NEGR1: variants seen among roughly 807,000 people sequenced by gnomAD.
The protein encoded by NEGR1 is IgLON family member 4.
NEGR1 carries 10 observed loss-of-function variants against 40.9 expected under a neutral mutation model. The ratio of observed to expected loss-of-function variants is 0.24; its 90% CI spans 0.15 to 0.42. The LOEUF (loss-of-function observed/expected upper bound fraction) is 0.42, where lower values mean the gene tolerates loss of function less well. NEGR1 is among the 10% of genes least tolerant of loss of function. NEGR1 has a pLI of 1.00. For synonymous variants in NEGR1, 185 were observed against 166.8 expected, an observed-to-expected ratio of 1.11 and a Z score of -0.84; for missense variants, 352 against 438.9, an observed-to-expected ratio of 0.80 and a Z score of 1.77.
At chr1:71,414,055 T>C (rs1423699689) in intron 6 of NEGR1, among the ~76,000 whole-genome samples, 2 of 152,160 alleles carry the variant, frequency 1.3e-5, no homozygotes, top group African/African-American at 4.8e-5. Context: ...ACTAAAGCTA[T>C]ATTAATTCTG....
chr1:72,152,676 A>G (rs1387538907), intron 1 of NEGR1, among the ~76,000 whole-genome samples: 2 of 152,022 alleles, frequency 1.3e-5, no homozygotes, highest in Non-Finnish European at 2.9e-5. Context: ...ATGTACTTAT[A>G]TGTTCATAGC....
chr1:72,217,075 A>T (rs1653846215), intron 1 of NEGR1, among the ~76,000 whole-genome samples: 1 of 151,758 alleles, frequency 6.6e-6, no homozygotes, highest in South Asian at 2.1e-4. Flanking sequence ...ATCCAGATTA[A>T]ACAATAGTAT....
intron 4 of NEGR1, among the ~76,000 whole-genome samples, chr1:71,690,418 T>A (rs2101621129): frequency 6.6e-6 from 1 of 151,946 alleles, no homozygotes; most frequent in South Asian, 2.1e-4. Flanking sequence ...CTGACTAAAG[T>A]AATGTTTGAA....
intron 1 of NEGR1, among the ~76,000 whole-genome samples, chr1:72,216,257 G>A (rs1317649021): frequency 2.0e-5 from 3 of 150,818 alleles, no homozygotes; most frequent in African/African-American, 7.3e-5. Context: ...CCTAATGCAT[G>A]TGGGGCTTAA....
At chr1:71,499,372 T>C (rs567674565) in intron 6 of NEGR1, among the ~76,000 whole-genome samples, 8 of 151,136 alleles carry the variant, frequency 5.3e-5, no homozygotes, top group Admixed American at 2.0e-4. Flanking sequence ...AGATGTACCA[T>C]GTGTTCTGCT....
chr1:71,899,622 T>C (rs1419509949), intron 2 of NEGR1, among the ~76,000 whole-genome samples: 2 of 152,198 alleles, frequency 1.3e-5, no homozygotes, highest in Non-Finnish European at 2.9e-5. Context: ...TTAAACCCTA[T>C]ATTTATTATT....
intron 1 of NEGR1, among the ~76,000 whole-genome samples, chr1:72,070,405 C>T (rs1186357281): frequency 6.6e-6 from 1 of 151,836 alleles, no homozygotes; most frequent in African/African-American, 2.4e-5. Flanking sequence ...ATTTAAAGTC[C>T]TGTCAATATT....
intron 1 of NEGR1, among the ~76,000 whole-genome samples, chr1:72,154,363 G>A (rs1651277879): frequency 6.6e-6 from 1 of 151,828 alleles, no homozygotes; most frequent in East Asian, 1.9e-4. Context: ...GTCCATGAAT[G>A]GCTAATTGTT....
At chr1:71,437,488 C>T (rs1408030474) in intron 6 of NEGR1, among the ~76,000 whole-genome samples, 3 of 151,868 alleles carry the variant, frequency 2.0e-5, no homozygotes, top group East Asian at 3.9e-4. Flanking sequence ...TCTTACCTAT[C>T]GTAAATAATG....
chr1:71,623,814 T>C (rs527585247), intron 4 of NEGR1, among the ~76,000 whole-genome samples: 4 of 151,866 alleles, frequency 2.6e-5, no homozygotes, highest in South Asian at 2.1e-4. Flanking sequence ...GGAAAGAAAA[T>C]GTCATCCTTC....
chr1:71,597,466 C>CTGTGTGTGTGTG (rs1460180034), intron 5 of NEGR1, among the ~76,000 whole-genome samples: 2 of 17,968 alleles, frequency 1.1e-4, no homozygotes, highest in African/African-American at 7.4e-5. Context: ...CTCTCTCTCT[C>CTGTGTGTGTGTG]TCTCTCTGTG....
At chr1:71,978,406 A>G (rs1342878915) in intron 1 of NEGR1, among the ~76,000 whole-genome samples, 4 of 152,152 alleles carry the variant, frequency 2.6e-5, no homozygotes, top group African/African-American at 7.2e-5. Flanking sequence ...TGAGGTTCCA[A>G]TGTATTCATG....
intron 1 of NEGR1, among the ~76,000 whole-genome samples, chr1:71,961,871 A>G (rs992017458): frequency 5.3e-5 from 8 of 152,092 alleles, no homozygotes; most frequent in Admixed American, 6.6e-5. Flanking sequence ...TACTAGTTAT[A>G]TGAGTTGAGA....
chr1:71,739,091 CA>C (rs1448088283), intron 3 of NEGR1, among the ~76,000 whole-genome samples: 3 of 147,698 alleles, frequency 2.0e-5, no homozygotes, highest in Non-Finnish European at 4.4e-5. Context: ...AGCCTGTTGC[CA>C]AAGGAAATTA....
chr1:71,482,685 C>T (rs775507360), intron 6 of NEGR1, among the ~76,000 whole-genome samples: 15 of 151,792 alleles, frequency 9.9e-5, no homozygotes, highest in East Asian at 1.9e-4. Context: ...GTCTTCAAAC[C>T]GCGTAAGGCA....
At chr1:71,974,757 T>G (rs1467952484) in intron 1 of NEGR1, among the ~76,000 whole-genome samples, 1 of 152,194 alleles carries the variant, frequency 6.6e-6, no homozygotes, top group Non-Finnish European at 1.5e-5. Flanking sequence ...TATCAGAGAT[T>G]AGCAACTCTT....
chr1:71,554,512 T>G (rs1398478965), intron 6 of NEGR1, among the ~76,000 whole-genome samples: 1 of 151,492 alleles, frequency 6.6e-6, no homozygotes, highest in East Asian at 1.9e-4. Flanking sequence ...AGACACTTAA[T>G]TGTTCAAGGG....
intron 2 of NEGR1, among the ~76,000 whole-genome samples, chr1:71,933,778 G>A (rs1051478421): frequency 6.6e-6 from 1 of 151,836 alleles, no homozygotes; most frequent in African/African-American, 2.4e-5. Context: ...AAATCACTGA[G>A]GAAATTCATT....
chr1:71,653,106 CT>C (rs5775079), intron 4 of NEGR1, among the ~76,000 whole-genome samples: 47,031 of 151,942 alleles, frequency 0.31, 8,906 homozygotes, highest in East Asian at 0.47. Context: ...GTTTTCTTCA[CT>C]TTTTTTGTAT....
Sources: allele counts gnomAD v4.1 joint callset (sites outside exome capture counted in the v4.1 genomes callset), GRCh38; gene constraint gnomAD v4.1.1; transcripts MANE v1.5; gene names NCBI Gene and HGNC (gene_info 2026-07-23, HGNC 2026-07-21).